The following TRRAP variants were observed in gnomAD, a reference collection of about 807,000 sequenced individuals.
The protein encoded by TRRAP is transformation/transcription domain associated protein, also known as transformation/transcription domain-associated protein.
Under a neutral mutation model 438.8 loss-of-function variants are expected in TRRAP, and 41 were observed. The ratio of observed to expected loss-of-function variants is 0.09; its 90% confidence interval spans 0.07 to 0.12. The LOEUF is 0.12. TRRAP is among the 10% of genes least tolerant of loss of function. TRRAP has a pLI of 1.00. For missense variants in TRRAP, 3,122 were observed against 5,055.1 expected, an observed-to-expected ratio of 0.62 and a Z score of 11.60; for synonymous variants, 1,994 against 1,962.9, an observed-to-expected ratio of 1.02 and a Z score of -0.42.
chr7:98,967,875 T>C (rs949008407), intron 51 of TRRAP, among the ~76,000 whole-genome samples, 177 bp downstream of exon 51: 1 of 152,156 alleles, frequency 6.6e-6, no homozygotes, highest in Non-Finnish European at 1.5e-5. Flanking sequence ...ATCTAAAGCG[T>C]TTTTGGGCTG....
chr7:98,923,789 A>C (rs1789912401), intron 21 of TRRAP, among the ~76,000 whole-genome samples: 1 of 152,170 alleles, frequency 6.6e-6, no homozygotes, highest in African/African-American at 2.4e-5. Context: ...GGTTCCTCAC[A>C]CAGGGCCTGG....
At chr7:98,995,346 G>C (rs180759847) in intron 67 of TRRAP, among the ~76,000 whole-genome samples, 2 of 150,832 alleles carry the variant, frequency 1.3e-5, no homozygotes, top group South Asian at 4.2e-4. Flanking sequence ...GACAGGGTCC[G>C]GTGGGCCCAT....
intron 53 of TRRAP, 126 bp downstream of exon 53, chr7:98,972,071 GT>G: frequency 7.5e-7 from 1 of 1,325,770 alleles, no homozygotes; most frequent in Non-Finnish European, 1.0e-6. Context: ...GAGATGGGAT[GT>G]TGCTTTGTCA....
Position 98,897,855 on chromosome 7 carries a change from G to A in TRRAP, c.622G>A (p.Glu208Lys), listed in dbSNP as rs1562930647. ...AGTCAACCCGGAGCGTGAGGACAGTGAGACTCGAACAGTAAGTGTTTCGCT... is the reference window on the plus strand; with the variant it reads ...AGTCAACCCGGAGCGTGAGGACAGTAAGACTCGAACAGTAAGTGTTTCGCT... ...VKVNPEREDS[E>K]TRTHSIIPRG... The change falls in exon 8 of 73, where the codon GAG (glutamate) becomes AAG (lysine). Residue 208 changes from glutamate (E) to lysine (K), a missense_variant. Physicochemically the swap from Glu to Lys is moderately conservative, Grantham distance 56. Coordinates refer to ENST00000456197, the MANE Select transcript of TRRAP (RefSeq NM_001375524.1). 1.2e-6 allele frequency: 2 copies of A among 1,614,108 alleles called. No homozygotes were observed. Among genetic ancestry groups the A allele is most frequent in the Non-Finnish European group, 1.7e-6 (2 of 1,180,014 alleles).
At chr7:98,962,618 T>A (rs1791961474) in intron 47 of TRRAP, among the ~76,000 whole-genome samples, 191 bp downstream of exon 47, 1 of 152,218 alleles carries the variant, frequency 6.6e-6, no homozygotes, top group Non-Finnish European at 1.5e-5. Context: ...CCTTCGCCGA[T>A]GCTTGCTCTG....
At chr7:98,998,798 C>A in intron 67 of TRRAP, 1 of 260,510 alleles carries the variant, frequency 3.8e-6, no homozygotes, top group Admixed American at 4.3e-5. Context: ...CTCTGACTCA[C>A]CCTCTTACCT....
intron 67 of TRRAP, chr7:98,999,628 G>GCAAA: frequency 1.1e-6 from 1 of 878,910 alleles, no homozygotes; most frequent in South Asian, 1.4e-5. Flanking sequence ...AGAGAGCTGA[G>GCAAA]TTGGTGACAG....
intron 62 of TRRAP, among the ~76,000 whole-genome samples, chr7:98,986,426 A>G (rs1366044263): frequency 6.6e-6 from 1 of 152,188 alleles, no homozygotes; most frequent in African/African-American, 2.4e-5. Context: ...TAATTTCTCC[A>G]TATCCTCACC....
intron 12 of TRRAP, among the ~76,000 whole-genome samples, chr7:98,904,408 A>C (rs12705015): frequency 0.71 from 105,279 of 148,806 alleles, 41,537 homozygotes; most frequent in South Asian, 0.88. Flanking sequence ...GTGTGAACCC[A>C]GGAAGGCAGA....
intron 62 of TRRAP, among the ~76,000 whole-genome samples, chr7:98,987,621 A>G (rs1793208527): frequency 6.6e-6 from 1 of 152,218 alleles, no homozygotes; most frequent in South Asian, 2.1e-4. Flanking sequence ...GATCGTGTCA[A>G]CTGCAGGTAG....
intron 43 of TRRAP, among the ~76,000 whole-genome samples, chr7:98,957,494 C>T (rs1791672301): frequency 6.6e-6 from 1 of 152,194 alleles, no homozygotes; most frequent in Non-Finnish European, 1.5e-5. Flanking sequence ...TGCTTGAGCC[C>T]TCGCATTGAC....
chr7:98,990,395 T>A, intron 63 of TRRAP, 60 bp from the exon 64 acceptor site: 1 of 1,583,708 alleles, frequency 6.3e-7, no homozygotes, highest in Admixed American at 1.7e-5. Context: ...GGGGAAAAAG[T>A]CTCTTGCTTG....
At chr7:98,981,636 T>A in intron 58 of TRRAP, 133 bp from the exon 59 acceptor site, 1 of 870,584 alleles carries the variant, frequency 1.1e-6, no homozygotes, top group Non-Finnish European at 1.7e-6. Flanking sequence ...AGAAAATACA[T>A]TTCTATAGCC....
At position 98,953,347 on chromosome 7, in the gene TRRAP, G is replaced by A. The variant is rs1554418714; in HGVS notation, c.5644G>A (p.Val1882Met). Residue 1882 changes from valine (V) to methionine (M), a missense_variant, in exon 40 of 73, where the codon GTG becomes ATG. Coordinates refer to ENST00000456197, the MANE Select transcript of TRRAP (RefSeq NM_001375524.1). ...GCCCTGCCTGCTCTCCAAGGCCTGC[G>A]TGGACCCAGCCTGCAAGTACAGCGG... ...AWPCLLSKAC[V>M]DPACKYSGHL... 2.5e-6 allele frequency: 4 copies of A among 1,613,906 alleles called. No homozygotes were observed. Among genetic ancestry groups the A allele is most frequent in the Non-Finnish European group, 3.4e-6 (4 of 1,180,032 alleles).
intron 67 of TRRAP, chr7:98,999,245 G>T: frequency 8.5e-7 from 1 of 1,181,764 alleles, no homozygotes. Context: ...TGCATTCACT[G>T]CCCAGCTTCT....
At chr7:98,964,583 TG>T (rs756730438) in intron 47 of TRRAP, 45 bp from the exon 48 acceptor site, 1 of 1,594,672 alleles carries the variant, frequency 6.3e-7, no homozygotes, top group African/African-American at 1.3e-5. Flanking sequence ...CTGTTTTTCG[TG>T]GTTGTTACTT....
At chr7:98,979,586 G>A (rs1001786803) in intron 58 of TRRAP, among the ~76,000 whole-genome samples, 1 of 152,112 alleles carries the variant, frequency 6.6e-6, no homozygotes, top group Non-Finnish European at 1.5e-5. Flanking sequence ...ATGCATTTAC[G>A]ATGCTTATTC....
chr7:98,943,034 T>C lies in TRRAP; in HGVS notation c.4473+17T>C. 1.2e-6 allele frequency: 2 copies of C among 1,613,966 alleles called. No homozygotes were observed. Among genetic ancestry groups the C allele is most frequent in the South Asian group, 2.2e-5 (2 of 91,060 alleles). ...GACGGAAACGTGAGTGACTTGTTTG[T>C]TTCTGGGAAGGGCACCAGCCGCCAT... On this transcript the variant is annotated intron_variant, in intron 31 of 72. Coordinates refer to ENST00000456197, the MANE Select transcript of TRRAP (RefSeq NM_001375524.1).
rs1325561371 is a variant in TRRAP at position 99,012,162 on chromosome 7, C to T, written c.11429C>T (p.Ala3810Val). The change falls in exon 73 of 73, where the codon GCC (alanine) becomes GTC (valine). Residue 3810 changes from alanine to valine, a missense_variant. Ala to Val is a moderately conservative substitution (Grantham distance 64). Transcript: ENST00000456197. This position sits in a 1 kb window ranked among gnomAD's most constrained non-coding sequence, Gnocchi z 5.9. ...GACACGTCCTCTCCTCTCTCGGCCG[C>T]CGGGCAGCCAGAGAACATGGACAGC... ...QEDTSSPLSA[A>V]GQPENMDSQQ... The T allele has an allele frequency of 1.2e-6, 2 of 1,614,238 alleles. No homozygotes were observed. Among genetic ancestry groups the T allele is most frequent in the Non-Finnish European group, 1.7e-6 (2 of 1,180,040 alleles).
Sources: gnomAD v4.1 joint callset for allele counts (sites outside exome capture counted in the v4.1 genomes callset) on GRCh38, gnomAD v4.1.1 for gene constraint, Gnocchi (gnomAD v3.1) non-coding constraint, MANE v1.5 for transcripts, NCBI Gene and HGNC (gene_info 2026-07-23, HGNC 2026-07-21) for gene names.